Variants in MTF1 observed in about 807,000 individuals in gnomAD.
MTF1 encodes the protein MRE-binding transcription factor.
In MTF1, 22 loss-of-function variants were observed where a neutral mutation model predicts 70.4. That is an observed-to-expected ratio of 0.31 (90% CI 0.22 to 0.45). MTF1 has a LOEUF of 0.45. MTF1 is among the 20% of genes least tolerant of loss of function. The pLI, the probability that MTF1 is intolerant of heterozygous loss-of-function variation, is 1.00. For synonymous variants in MTF1, 333 were observed against 352.8 expected (o/e 0.94, Z 0.63); for missense variants, 649 against 922.0 (o/e 0.70, Z 3.83).
Position 37,822,141 on chromosome 1 carries a change from G to A in MTF1, c.1747C>T (p.Pro583Ser). The A allele has an allele frequency of 6.2e-7, 1 of 1,603,022 alleles. No homozygotes were observed. Among genetic ancestry groups the A allele is most frequent in the Non-Finnish European group, 8.5e-7 (1 of 1,173,032 alleles). The change falls in exon 9 of 11, where the codon CCA becomes TCA. Residue 583 changes from proline to serine, a missense_variant. Physicochemically the swap from Pro to Ser is moderately conservative, Grantham distance 74 (BLOSUM62 -1). Coordinates refer to ENST00000373036, the MANE Select transcript of MTF1 (RefSeq NM_005955.3). ...CTTACAATTTGTTCTTGGTTTTGTGGAGAACTGGTGGCACCATTTAATATC... is the reference window on the plus strand; with the variant it reads ...CTTACAATTTGTTCTTGGTTTTGTGAAGAACTGGTGGCACCATTTAATATC... ...QWILNGATSSPQNQEQIQQAS... is the reference protein window; with the variant it reads ...QWILNGATSSSQNQEQIQQAS...
Position 37,810,166 on chromosome 1 carries a change from G to A in MTF1, c.*4970C>T, listed in dbSNP as rs1640690515. On this transcript the variant is annotated 3_prime_UTR_variant, in exon 11 of 11. Coordinates refer to ENST00000373036, the MANE Select transcript of MTF1 (RefSeq NM_005955.3). The stretch of plus-strand genomic sequence containing the variant: ...AGGCCTGAGAACACAGCAGGAAAAG[G>A]GCAAGAGAAAGCCTCTGACTTGGCA... 1 of 152,350 alleles carries A rather than the reference G, an allele frequency of 6.6e-6. No individual in the cohort carries two copies. The highest frequency in any genetic ancestry group is 1.5e-5 in the Non-Finnish European group (1 of 68,030). The allele number at this position is 152,350 out of a possible 1,614,324, so 9.4% of individuals were successfully genotyped here.
At chr1:37,820,399 G>C (rs1230263102) in intron 9 of MTF1, among the ~76,000 whole-genome samples, 1 of 152,180 alleles carries the variant, frequency 6.6e-6, no homozygotes, top group African/African-American at 2.4e-5. Flanking sequence ...ACCAACTCTG[G>C]GATCAATCTG....
intron 2 of MTF1, among the ~76,000 whole-genome samples, chr1:37,847,723 C>T (rs977325099): frequency 6.6e-6 from 1 of 152,158 alleles, no homozygotes. Context: ...AGTGAGGTGG[C>T]TCATGCCTGT....
chr1:37,829,869 A>C (rs1641060839), intron 7 of MTF1, among the ~76,000 whole-genome samples: 1 of 152,198 alleles, frequency 6.6e-6, no homozygotes, highest in African/African-American at 2.4e-5. Context: ...ATCAATTTCC[A>C]CATCTGAGAT....
chr1:37,830,890 C>T (rs1179066126), intron 7 of MTF1, among the ~76,000 whole-genome samples: 2 of 152,170 alleles, frequency 1.3e-5, no homozygotes, highest in Non-Finnish European at 2.9e-5. Context: ...ACTTGGGGCT[C>T]CCCCTTAGTG....
intron 2 of MTF1, among the ~76,000 whole-genome samples, chr1:37,850,769 T>C (rs553319083): frequency 2.0e-5 from 3 of 152,076 alleles, no homozygotes; most frequent in East Asian, 1.9e-4. Flanking sequence ...AATGAAGTAA[T>C]AGGTAAGCCA....
rs1641206624 is a variant in MTF1 at position 37,838,672 on chromosome 1, A to G, written c.732T>C (p.Ser244=). ...GAGTTCGAATGTGCTTCCTCAGATC[A>G]CTGAGTGTGGTGAAGTATTTGCTGC... ...EGCSKYFTTL[S]DLRKHIRTHT... is the part of the protein sequence containing the mutation. Residue 244 remains serine, a synonymous_variant, in exon 4 of 11, where the codon AGT becomes AGC. Coordinates refer to ENST00000373036, the MANE Select transcript of MTF1 (RefSeq NM_005955.3). 3.1e-6 allele frequency: 5 copies of G among 1,612,894 alleles called. No homozygotes were observed. The South Asian group carries it at 5.5e-5, about 18-fold the overall frequency.
At chr1:37,852,030 C>T (rs992788204) in intron 2 of MTF1, among the ~76,000 whole-genome samples, 3 of 152,168 alleles carry the variant, frequency 2.0e-5, no homozygotes, top group Non-Finnish European at 4.4e-5. Context: ...TTCGGGGCTC[C>T]TCAATCCCTC....
intron 9 of MTF1, 28 bp downstream of exon 9, chr1:37,822,093 A>C: frequency 6.6e-7 from 1 of 1,518,334 alleles, no homozygotes; most frequent in Non-Finnish European, 8.9e-7. Context: ...ACTTCACCCC[A>C]CTGGGTATAT....
intron 3 of MTF1, among the ~76,000 whole-genome samples, chr1:37,839,560 T>A (rs894528814): frequency 2.0e-5 from 3 of 152,160 alleles, no homozygotes; most frequent in African/African-American, 7.2e-5. Flanking sequence ...CAAGCTTAGG[T>A]AGGACAGAAG....
In MTF1 at chr1:37,822,262, A is replaced by G. The variant is rs752816785; in HGVS notation, c.1626T>C (p.Ser542=). Residue 542 remains serine, a synonymous_variant, in exon 9 of 11, where the codon TCT becomes TCC. Coordinates refer to ENST00000373036, the MANE Select transcript of MTF1 (RefSeq NM_005955.3). ...TTATTGTGGGATTATTAGTTAGGAC[A>G]GAGTTGGCACCCAGGGGCAGAGTCT... ...MVQTLPLGAN[S]VLTNNPTITI... 6.2e-7 allele frequency: 1 copy of G among 1,614,194 alleles called. No homozygotes were observed. The highest frequency in any genetic ancestry group is 2.2e-5 in the East Asian group (1 of 44,884).
intron 2 of MTF1, among the ~76,000 whole-genome samples, chr1:37,846,650 G>A (rs945612882): frequency 6.6e-6 from 1 of 152,094 alleles, no homozygotes; most frequent in Non-Finnish European, 1.5e-5. Context: ...TGACTGCCTT[G>A]TTAAGATAAC....
rs979198260 is a variant in MTF1, at chr1:37,811,355, A to G, written c.*3781T>C. 5 of 152,678 alleles carry G rather than the reference A, an allele frequency of 3.3e-5. No homozygotes were observed. The highest frequency in any genetic ancestry group is 1.2e-4 in the African/African-American group (5 of 41,458). 9.5% of individuals were successfully genotyped at this position (152,678 alleles called of 1,614,324 possible). A position where few individuals can be genotyped will look rare whatever the true frequency, so the allele number is the denominator to read the frequency against. ...ACAGCACAGGGCTGATTGAGCGGAA[A>G]AACGCTGCCAGGCCAGGGCCACATG... On this transcript the variant is annotated 3_prime_UTR_variant, in exon 11 of 11. Coordinates refer to ENST00000373036, the MANE Select transcript of MTF1 (RefSeq NM_005955.3).
intron 2 of MTF1, among the ~76,000 whole-genome samples, chr1:37,845,515 TTGAC>T (rs1240694690): frequency 3.9e-5 from 6 of 152,194 alleles, no homozygotes; most frequent in Non-Finnish European, 8.8e-5. Flanking sequence ...GATTGACAGA[TTGAC>T]TGATTGAATA....
intron 2 of MTF1, among the ~76,000 whole-genome samples, chr1:37,842,883 A>G (rs1283333189): frequency 6.6e-6 from 1 of 152,182 alleles, no homozygotes; most frequent in Non-Finnish European, 1.5e-5. Flanking sequence ...GGAATTCACT[A>G]ATGACTTAGC....
At chr1:37,845,305 A>C (rs1453396332) in intron 2 of MTF1, among the ~76,000 whole-genome samples, 1 of 152,248 alleles carries the variant, frequency 6.6e-6, no homozygotes, top group African/African-American at 2.4e-5. Context: ...TCTTGGATTT[A>C]GCTGACTCAC....
At chr1:37,835,836 TGTCCC>T in intron 4 of MTF1, 92 bp from the exon 5 acceptor site, 3 of 1,103,376 alleles carry the variant, frequency 2.7e-6, no homozygotes, top group Non-Finnish European at 4.1e-6. Context: ...AGTCTCGCTC[TGTCCC>T]CAAGGCTGGA....
chr1:37,823,626 G>T, intron 8 of MTF1, 84 bp downstream of exon 8: 1 of 1,046,564 alleles, frequency 9.6e-7, no homozygotes, highest in Non-Finnish European at 1.5e-6. Flanking sequence ...CTTCATTTAC[G>T]CTAACTAGAA....
At chr1:37,818,997 C>CAA (rs71891056) in intron 9 of MTF1, among the ~76,000 whole-genome samples, 1 of 138,124 alleles carries the variant, frequency 7.2e-6, no homozygotes, top group African/African-American at 2.7e-5. Flanking sequence ...CGTGTCAAAA[C>CAA]AAAAAAAAAA....
Sources: gnomAD v4.1 joint callset for allele counts (sites outside exome capture counted in the v4.1 genomes callset) on GRCh38, gnomAD v4.1.1 for gene constraint, MANE v1.5 for transcripts, NCBI Gene and HGNC (gene_info 2026-07-23, HGNC 2026-07-21) for gene names.